The following AOPEP variants were observed in gnomAD, a reference collection of about 807,000 sequenced individuals.
AOPEP encodes the protein aminopeptidase O (putative).
AOPEP carries 77 observed loss-of-function variants against 98.1 expected under a neutral mutation model. That is an observed-to-expected ratio of 0.78 (90% CI 0.65 to 0.95). The LOEUF is 0.95. Among genes scored for constraint, AOPEP ranks in the 40% least tolerant of loss-of-function variants. AOPEP has a pLI of 0.00. For synonymous variants in AOPEP, 346 were observed against 365.3 expected (o/e 0.95, Z 0.60); for missense variants, 1,024 against 1,024.7 (o/e 1.00, Z 0.01).
chr9:94,845,942 A>G (rs575096865), intron 5 of AOPEP, among the ~76,000 whole-genome samples: 17 of 152,216 alleles, frequency 1.1e-4, no homozygotes, highest in African/African-American at 4.1e-4. Context: ...TAAAAATACA[A>G]GAATTAGTCA....
the AOPEP span, among the ~76,000 whole-genome samples, chr9:95,121,243 G>C: frequency 1.3e-5 from 2 of 152,184 alleles, no homozygotes; most frequent in Non-Finnish European, 2.9e-5. Flanking sequence ...CTTAGAAAAA[G>C]TGGCTTGTCA....
the AOPEP span, among the ~76,000 whole-genome samples, chr9:95,092,401 T>C: frequency 6.6e-6 from 1 of 152,032 alleles, no homozygotes; most frequent in Non-Finnish European, 1.5e-5. Context: ...GGCCTGGGGC[T>C]GCTCCCAGGG....
intron 5 of AOPEP, among the ~76,000 whole-genome samples, chr9:94,842,192 T>C (rs2042347133): frequency 6.6e-6 from 1 of 152,052 alleles, no homozygotes; most frequent in Non-Finnish European, 1.5e-5. Flanking sequence ...TGAAACCCTG[T>C]GTCTACTAAA....
intron 14 of AOPEP, among the ~76,000 whole-genome samples, chr9:95,071,094 A>C (rs2068455358): frequency 6.6e-6 from 1 of 152,188 alleles, no homozygotes; most frequent in Non-Finnish European, 1.5e-5. Context: ...GAGAAGGAAA[A>C]ACCCAAAGTA....
intron 1 of AOPEP, among the ~76,000 whole-genome samples, chr9:94,757,471 C>T (rs1334666456): frequency 3.3e-5 from 5 of 152,198 alleles, no homozygotes; most frequent in Non-Finnish European, 7.3e-5. Flanking sequence ...CTTTTCATAA[C>T]AGTGGTTCTG....
intron 4 of AOPEP, among the ~76,000 whole-genome samples, chr9:94,794,235 A>G (rs1588246725): frequency 6.6e-6 from 1 of 152,166 alleles, no homozygotes; most frequent in East Asian, 1.9e-4. Context: ...CAAAAGAGGG[A>G]GAAGGGGGAC....
At chr9:95,015,335 C>G (rs745531622) in intron 13 of AOPEP, among the ~76,000 whole-genome samples, 1 of 152,112 alleles carries the variant, frequency 6.6e-6, no homozygotes, top group African/African-American at 2.4e-5. Context: ...AAGCTGGAAC[C>G]TATTATAGAA....
intron 5 of AOPEP, among the ~76,000 whole-genome samples, chr9:94,818,732 C>T (rs1167474216): frequency 7.9e-5 from 12 of 152,350 alleles, no homozygotes; most frequent in Admixed American, 4.6e-4. Flanking sequence ...CGGTGGCTCA[C>T]GCCTGTAATC....
intron 13 of AOPEP, among the ~76,000 whole-genome samples, chr9:95,012,594 G>A (rs1241182122): frequency 1.3e-5 from 2 of 152,122 alleles, no homozygotes. Flanking sequence ...TTTTTCTGTA[G>A]CACGTACTGA....
the AOPEP span, chr9:95,101,607 G>C: frequency 7.0e-7 from 1 of 1,425,236 alleles, no homozygotes; most frequent in Non-Finnish European, 9.7e-7. Flanking sequence ...CCCAGCGAGG[G>C]CACTTACTCC....
At chr9:94,880,111 A>G (rs2047392588) in intron 5 of AOPEP, among the ~76,000 whole-genome samples, 1 of 152,182 alleles carries the variant, frequency 6.6e-6, no homozygotes, top group Non-Finnish European at 1.5e-5. Context: ...GCATATTCTC[A>G]CAGTGTCAGC....
At chr9:94,846,095 T>TAAAA (rs35421127) in intron 5 of AOPEP, among the ~76,000 whole-genome samples, 2 of 144,666 alleles carry the variant, frequency 1.4e-5, no homozygotes, top group South Asian at 2.2e-4. Context: ...GACTCCATCT[T>TAAAA]AAAAAAAAAA....
chr9:95,141,042 T>C, the AOPEP span, among the ~76,000 whole-genome samples: 10 of 152,154 alleles, frequency 6.6e-5, 2 homozygotes, highest in Middle Eastern at 0.031. Context: ...GGGCACAGTG[T>C]CTCAGGCCTG....
chr9:94,751,587 A>G (rs381558), intron 1 of AOPEP, among the ~76,000 whole-genome samples: 14 of 152,160 alleles, frequency 9.2e-5, no homozygotes, highest in Non-Finnish European at 1.9e-4. Context: ...TGAGTGATAT[A>G]ATCCAGCTTT....
the AOPEP span, chr9:95,100,231 C>T: frequency 2.6e-5 from 6 of 232,722 alleles, no homozygotes; most frequent in South Asian, 1.8e-4. Context: ...ACCATGAGCA[C>T]GAAGCATGTT....
At chr9:95,016,127 A>G (rs2062962491) in intron 13 of AOPEP, among the ~76,000 whole-genome samples, 1 of 148,968 alleles carries the variant, frequency 6.7e-6, no homozygotes. Flanking sequence ...ACTTGCATTA[A>G]GCTTTTTTTT....
intron 5 of AOPEP, among the ~76,000 whole-genome samples, chr9:94,898,889 G>C (rs903937336): frequency 6.0e-5 from 9 of 151,166 alleles, no homozygotes; most frequent in Non-Finnish European, 1.2e-4. Flanking sequence ...CTTGCAGTGA[G>C]CCGAGATCAC....
In AOPEP at chr9:95,083,652, G is replaced by A. The variant is rs544012337; in HGVS notation, c.*4+933G>A. 1.3e-4 allele frequency among the ~76,000 whole-genome samples: 18 copies of A among 138,610 alleles called. No homozygotes were observed. In the South Asian group the frequency reaches 2.4e-3, roughly 19 times the overall value. The allele number at this position is 138,610 out of a possible 152,430, so 90.9% of individuals were successfully genotyped here. On this transcript the variant is annotated intron_variant, in intron 16 of 16. Transcript: ENST00000375315. ...GCAGCACACACACCACACACAGCGC[G>A]TGCACCACACAGAGCACCTGCGGCA... is the stretch of plus-strand genomic sequence containing the variant.
intron 5 of AOPEP, among the ~76,000 whole-genome samples, chr9:94,802,513 C>T (rs2133788132): frequency 6.6e-6 from 1 of 152,230 alleles, no homozygotes; most frequent in East Asian, 1.9e-4. Flanking sequence ...TTTGCATGCC[C>T]AAGCAGGTAG....
Sources: gnomAD v4.1 joint callset for allele counts (sites outside exome capture counted in the v4.1 genomes callset) on GRCh38, gnomAD v4.1.1 for gene constraint, MANE v1.5 for transcripts, NCBI Gene and HGNC (gene_info 2026-07-23, HGNC 2026-07-21) for gene names.